KALRN: variants seen among roughly 807,000 people sequenced by gnomAD.
KALRN encodes kalirin RhoGEF kinase, also known as kalirin.
In KALRN, 70 loss-of-function variants were observed where a neutral mutation model predicts 353.7. The ratio of observed to expected loss-of-function variants is 0.20; its 90% CI spans 0.16 to 0.24. The LOEUF is 0.24. Among genes scored for constraint, KALRN ranks in the 10% least tolerant of loss-of-function variants. KALRN has a pLI of 1.00. For missense variants in KALRN, 2,791 were observed against 3,756.7 expected, an observed-to-expected ratio of 0.74 and a Z score of 6.72; for synonymous variants, 1,391 against 1,434.8, an observed-to-expected ratio of 0.97 and a Z score of 0.69.
chr3:124,557,843 C>T (rs1026168297), intron 33 of KALRN, among the ~76,000 whole-genome samples: 3 of 152,132 alleles, frequency 2.0e-5, no homozygotes, highest in Non-Finnish European at 4.4e-5. Flanking sequence ...TGTCAGAAGT[C>T]AGTATTCACA....
In KALRN at chr3:124,329,842, A is replaced by C. The variant is rs1158518108; in HGVS notation, c.1285-19A>C. 1.9e-6 allele frequency: 3 copies of C among 1,610,478 alleles called. No homozygotes were observed. Among genetic ancestry groups the C allele is most frequent in the Non-Finnish European group, 2.5e-6 (3 of 1,178,200 alleles). On this transcript the variant is annotated intron_variant, in intron 7 of 59. Transcript: ENST00000682506. ...ACCCCCAGTGCTCCCCCACTGATCC[A>C]CCCTGCATCTCCTTCCAGTTCCTGT...
chr3:124,182,156 C>A (rs538986801), intron 1 of KALRN, among the ~76,000 whole-genome samples: 1 of 152,304 alleles, frequency 6.6e-6, no homozygotes, highest in East Asian at 1.9e-4. Context: ...AGAGAGAGGA[C>A]TTTTTGGGAA....
intron 6 of KALRN, among the ~76,000 whole-genome samples, chr3:124,324,363 C>G (rs2079654104): frequency 6.6e-6 from 1 of 152,192 alleles, no homozygotes; most frequent in African/African-American, 2.4e-5. Context: ...CTTTCCCCCT[C>G]CCCATTCTTC....
chr3:124,411,711 A>G (rs572898774), intron 13 of KALRN, among the ~76,000 whole-genome samples: 1 of 152,084 alleles, frequency 6.6e-6, no homozygotes, highest in Admixed American at 6.6e-5. Flanking sequence ...CTCCCAAATC[A>G]CTGGGATTAT....
intron 3 of KALRN, among the ~76,000 whole-genome samples, chr3:124,242,585 G>A (rs2080607105): frequency 6.6e-6 from 1 of 152,222 alleles, no homozygotes; most frequent in Non-Finnish European, 1.5e-5. Context: ...GAAGAGGGCG[G>A]TAGGGAAGGG....
chr3:124,247,440 G>GTTTC (rs1483375207), intron 3 of KALRN, among the ~76,000 whole-genome samples: 2 of 70,596 alleles, frequency 2.8e-5, no homozygotes, highest in Non-Finnish European at 6.6e-5. Flanking sequence ...TTGTGAAAAT[G>GTTTC]TTTCACCTGC....
rs1397822018 is a variant in KALRN, at chr3:124,719,420, A to G, written c.8911A>G (p.Ile2971Val). Residue 2971 changes from isoleucine (I) to valine (V), a missense_variant, in exon 60 of 60, where the codon ATT (isoleucine) becomes GTT (valine). Around this residue, in one of 11 missense-constraint regions of KALRN, gnomAD observed 32 missense variants for 27.4 expected, o/e 1.17. Coordinates refer to ENST00000682506, the MANE Select transcript of KALRN (RefSeq NM_001388419.1). The surrounding 1 kb of genome is among the most constrained non-coding windows in gnomAD (Gnocchi z 5.3). Reference sequence around the variant, plus strand: ...CAAGCACCAGAATGATGTGCGGCCTATTCCCAATGTCAAGAGCTACATTGT... The same window carrying G: ...CAAGCACCAGAATGATGTGCGGCCTGTTCCCAATGTCAAGAGCTACATTGT... ...RRKHQNDVRP[I>V]PNVKSYIVNR... is the part of the protein sequence containing the mutation. 7 of 1,614,036 alleles carry G rather than the reference A, an allele frequency of 4.3e-6. No individual in the cohort carries two copies. The African/African-American group carries it at 5.3e-5, about 12-fold the overall frequency.
rs914443516 is a variant in KALRN at position 124,632,797 on chromosome 3, A to T, written c.5466+94A>T. 6.8e-6 allele frequency: 8 copies of T among 1,170,630 alleles called. No homozygotes were observed. In the African/African-American group the frequency reaches 1.2e-4, roughly 18 times the overall value. The allele number at this position is 1,170,630 out of a possible 1,614,324, so 72.5% of individuals were successfully genotyped here. On this transcript the variant is annotated intron_variant, in intron 35 of 59. Transcript: ENST00000682506. ...GTCAACTAGGCCATCTCAAATCTCC[A>T]TTAGTGTGTTACCTTGAGCCTAAGT...
At chr3:124,346,125 C>A (rs1418242839) in intron 9 of KALRN, among the ~76,000 whole-genome samples, 1 of 152,102 alleles carries the variant, frequency 6.6e-6, no homozygotes, top group Non-Finnish European at 1.5e-5. Context: ...TACTGTAATT[C>A]TGATTTAATT....
chr3:124,071,579 TG>T (rs1269199159), intron 1 of KALRN, among the ~76,000 whole-genome samples: 1 of 152,240 alleles, frequency 6.6e-6, no homozygotes, highest in Admixed American at 6.5e-5. Flanking sequence ...TTCTGGAGGC[TG>T]AGAAGTCCAA....
intron 5 of KALRN, among the ~76,000 whole-genome samples, chr3:124,284,937 C>T (rs951986704): frequency 2.0e-5 from 3 of 152,092 alleles, no homozygotes; most frequent in Admixed American, 6.5e-5. Flanking sequence ...ACTGTTTGGC[C>T]GAGAACTTCC....
rs138112100 is a variant in KALRN, at chr3:124,671,004, C to T, written c.6704-656C>T. Among the ~76,000 whole-genome samples, 411 of 152,246 alleles carry T rather than the reference C, an allele frequency of 2.7e-3. 1 individual carries two copies. The highest frequency in any genetic ancestry group is 9.4e-3 in the African/African-American group (392 of 41,552). On this transcript the variant is annotated intron_variant, in intron 47 of 59. Coordinates refer to ENST00000682506, the MANE Select transcript of KALRN (RefSeq NM_001388419.1). ...CATCCATTCCACATCCCACTGGTCCCGCTCTCCTAGACCTTCTACCTCTCG... is the reference window on the plus strand; with the variant it reads ...CATCCATTCCACATCCCACTGGTCCTGCTCTCCTAGACCTTCTACCTCTCG...
chr3:124,380,457 T>C (rs963068090), intron 10 of KALRN, among the ~76,000 whole-genome samples: 2 of 152,154 alleles, frequency 1.3e-5, no homozygotes, highest in Non-Finnish European at 2.9e-5. Flanking sequence ...GTGGCCCATA[T>C]CTCTGAATGA....
At chr3:124,667,606 C>T (rs561310946) in intron 47 of KALRN, among the ~76,000 whole-genome samples, 1 of 152,272 alleles carries the variant, frequency 6.6e-6, no homozygotes, top group South Asian at 2.1e-4. Context: ...AGTTCAAATC[C>T]CTCCTCTGCT....
chr3:124,628,147 CCCTCCCTCCCTCCCTT>C (rs2080185116), intron 34 of KALRN, among the ~76,000 whole-genome samples: 2 of 52,958 alleles, frequency 3.8e-5, no homozygotes, highest in Admixed American at 1.5e-4. Flanking sequence ...CATCCTCCCT[CCCTCCCTCCCTCCCTT>C]CCTTCCTTCC....
At position 124,667,129 on chromosome 3, in the gene KALRN, G is replaced by A. The variant is rs140660780; in HGVS notation, c.6649G>A (p.Ala2217Thr). The change falls in exon 47 of 60, where the codon GCC (alanine) becomes ACC (threonine). Residue 2217 changes from alanine (A) to threonine (T), a missense_variant. Coordinates refer to ENST00000682506, the MANE Select transcript of KALRN (RefSeq NM_001388419.1). ...AGCCGCCAACGCTGACATCCAGCAG[G>A]CCTGGGTGCAGGACATCAATCAAGT... Reference protein sequence around the residue: ...LQAANADIQQAWVQDINQVLE... With the variant: ...LQAANADIQQTWVQDINQVLE... 6 of 1,614,076 alleles carry A rather than the reference G, an allele frequency of 3.7e-6. No homozygotes were observed. The African/African-American group carries it at 6.7e-5, about 18-fold the overall frequency.
chr3:124,622,665 C>T (rs1190881090), intron 34 of KALRN, among the ~76,000 whole-genome samples: 1 of 152,160 alleles, frequency 6.6e-6, no homozygotes, highest in Non-Finnish European at 1.5e-5. Flanking sequence ...TTTGGGGACA[C>T]TAAGCTCCTA....
chr3:124,565,718 C>A (rs1415729114), intron 34 of KALRN, among the ~76,000 whole-genome samples: 1 of 152,170 alleles, frequency 6.6e-6, no homozygotes, highest in Non-Finnish European at 1.5e-5. Context: ...GGCCTCCTAG[C>A]CTGAGGCTGG....
At chr3:124,199,369 C>T (rs965450541) in intron 1 of KALRN, among the ~76,000 whole-genome samples, 10 of 152,126 alleles carry the variant, frequency 6.6e-5, no homozygotes, top group Non-Finnish European at 1.3e-4. Flanking sequence ...ACTCTTGCAT[C>T]CTAAAGAGTT....
Sources: gnomAD v4.1 joint callset for allele counts (sites outside exome capture counted in the v4.1 genomes callset) on GRCh38, gnomAD v4.1.1 for gene constraint, gnomAD v4.1.1 regional missense constraint, Gnocchi (gnomAD v3.1) non-coding constraint, MANE v1.5 for transcripts, NCBI Gene and HGNC (gene_info 2026-07-23, HGNC 2026-07-21) for gene names.